RAB44: variants seen among roughly 807,000 people sequenced by gnomAD.
RAB44 encodes the protein RAB44, member RAS oncogene family, also known as ras-related protein Rab-44.
Under a neutral mutation model 93.3 loss-of-function variants are expected in RAB44, and 67 were observed. The ratio of observed to expected loss-of-function variants is 0.72; its 90% CI spans 0.59 to 0.88. The LOEUF (loss-of-function observed/expected upper bound fraction) is 0.88, where lower values mean the gene tolerates loss of function less well. Ranked by LOEUF, RAB44 falls within the 40% of genes least tolerant of loss-of-function variation. The pLI is 0.00. For synonymous variants in RAB44, 427 were observed against 520.3 expected, an observed-to-expected ratio of 0.82 and a Z score of 2.44; for missense variants, 1,064 against 1,261.7, an observed-to-expected ratio of 0.84 and a Z score of 2.37.
chr6:36,719,815 A>T (rs236482), intron 7 of RAB44, among the ~76,000 whole-genome samples: 1 of 152,002 alleles, frequency 6.6e-6, no homozygotes, highest in Non-Finnish European at 1.5e-5. Flanking sequence ...GGAAGTTCAC[A>T]GAACAGTAAG....
In RAB44 at chr6:36,732,098, C is replaced by T; in HGVS notation, c.*5C>T. On this transcript the variant is annotated 3_prime_UTR_variant, in exon 14 of 14. Coordinates refer to ENST00000612677, the MANE Select transcript of RAB44 (RefSeq NM_001257357.2). ...AGATTCGGCTGTTGCTCCTGATCAC[C>T]TGTCCTGTCCTGGGTAGGATGGACA... is the stretch of plus-strand genomic sequence containing the variant. 8.1e-7 allele frequency: 1 copy of T among 1,234,060 alleles called. No individual in the cohort carries two copies. The highest frequency in any genetic ancestry group is 1.0e-6 in the Non-Finnish European group (1 of 987,872). 76.4% of individuals were successfully genotyped at this position (1,234,060 alleles called of 1,614,324 possible). A position where few individuals can be genotyped will look rare whatever the true frequency, so the allele number is the denominator to read the frequency against.
At chr6:36,713,508 T>C (rs1430973403) in intron 2 of RAB44, among the ~76,000 whole-genome samples, 4 of 152,208 alleles carry the variant, frequency 2.6e-5, no homozygotes, top group Non-Finnish European at 5.9e-5. Flanking sequence ...AGGTAATTTT[T>C]GGACACTGAT....
chr6:36,726,307 G>A (rs549590105), intron 10 of RAB44, among the ~76,000 whole-genome samples: 37 of 152,294 alleles, frequency 2.4e-4, no homozygotes, highest in Non-Finnish European at 3.5e-4. Flanking sequence ...GTACAGTGGC[G>A]TGATCTGGGC....
intron 7 of RAB44, 43 bp from the exon 8 acceptor site, chr6:36,720,320 G>A (rs1763040156): frequency 1.6e-6 from 2 of 1,231,164 alleles, no homozygotes; most frequent in East Asian, 3.2e-5. Flanking sequence ...TTGCGCCCTG[G>A]AGGGCATCTG....
At chr6:36,705,086 A>C (rs1000098835) in intron 2 of RAB44, among the ~76,000 whole-genome samples, 3 of 142,030 alleles carry the variant, frequency 2.1e-5, no homozygotes, top group Non-Finnish European at 3.0e-5. Flanking sequence ...ACACCACTAC[A>C]CTCCAGCCTG....
intron 1 of RAB44, among the ~76,000 whole-genome samples, chr6:36,703,200 C>A (rs887878432): frequency 6.6e-6 from 1 of 152,218 alleles, no homozygotes; most frequent in Non-Finnish European, 1.5e-5. Flanking sequence ...CATCTTTTAA[C>A]AAGGAACTCA....
rs538897370 is a variant in RAB44, at chr6:36,702,424, G to T, written c.-12-1800G>T. Among the ~76,000 whole-genome samples, 214 of 151,936 alleles carry T rather than the reference G, an allele frequency of 1.4e-3. 1 individual carries two copies. The highest frequency in any genetic ancestry group is 4.9e-3 in the African/African-American group (203 of 41,386). ...TGTGCAACCTGTGCCGTTCCCCTTGGGAAGCTTGCCCAAGGGGAGGCCGTG... is the reference window on the plus strand; with the variant it reads ...TGTGCAACCTGTGCCGTTCCCCTTGTGAAGCTTGCCCAAGGGGAGGCCGTG... On this transcript the variant is annotated intron_variant, in intron 1 of 13. Transcript: ENST00000612677.
intron 1 of RAB44, among the ~76,000 whole-genome samples, chr6:36,701,060 C>T (rs372817014): frequency 2.6e-5 from 4 of 152,264 alleles, no homozygotes; most frequent in South Asian, 2.1e-4. Flanking sequence ...TATTCTAACC[C>T]GTAGAATCTT....
intron 9 of RAB44, 43 bp from the exon 10 acceptor site, chr6:36,725,819 G>T: frequency 7.0e-7 from 1 of 1,432,784 alleles, no homozygotes; most frequent in South Asian, 1.2e-5. Flanking sequence ...TAGGAGTCCT[G>T]GATGGTAACT....
At chr6:36,701,532 G>C (rs1300563674) in intron 1 of RAB44, among the ~76,000 whole-genome samples, 1 of 152,066 alleles carries the variant, frequency 6.6e-6, no homozygotes, top group African/African-American at 2.4e-5. Context: ...GCACTATGAG[G>C]GCATCAGGGT....
chr6:36,715,698 A>G, intron 4 of RAB44, 45 bp downstream of exon 4: 3 of 1,524,792 alleles, frequency 2.0e-6, no homozygotes, highest in Non-Finnish European at 2.6e-6. Context: ...TCTGCCAGCC[A>G]TTGACGGCAG....
At chr6:36,699,244 C>T (rs1762455818) in intron 1 of RAB44, among the ~76,000 whole-genome samples, 1 of 152,038 alleles carries the variant, frequency 6.6e-6, no homozygotes, top group Admixed American at 6.5e-5. Context: ...TTAAAAAATG[C>T]CAGGGGACTG....
At chr6:36,720,955 G>A (rs1306270489) in intron 8 of RAB44, among the ~76,000 whole-genome samples, 196 bp from the exon 9 acceptor site, 1 of 152,196 alleles carries the variant, frequency 6.6e-6, no homozygotes, top group Non-Finnish European at 1.5e-5. Context: ...GGCTTCATGT[G>A]GGTCTTGAGG....
intron 10 of RAB44, 146 bp downstream of exon 10, chr6:36,726,089 C>A: frequency 1.5e-6 from 1 of 661,292 alleles, no homozygotes. Flanking sequence ...GAGTCAAGCC[C>A]AAGGCAGGGG....
In RAB44 at chr6:36,704,320, G is replaced by A; in HGVS notation, c.85G>A (p.Glu29Lys). 2.6e-6 allele frequency: 4 copies of A among 1,536,174 alleles called. No individual in the cohort carries two copies. Among genetic ancestry groups the A allele is most frequent in the Non-Finnish European group, 3.5e-6 (4 of 1,146,920 alleles). The change falls in exon 2 of 14, where the codon GAA becomes AAA. Residue 29 changes from glutamate to lysine, a missense_variant. By Grantham distance (56) the Glu-to-Lys change is moderately conservative. Transcript: ENST00000612677. ...GCAGACAAGAGAGCCAGCTGATGGTGAAGGCGCTGCAGTGGCCCCAGAGCC... is the reference window on the plus strand; with the variant it reads ...GCAGACAAGAGAGCCAGCTGATGGTAAAGGCGCTGCAGTGGCCCCAGAGCC... The part of the protein sequence containing the change: ...RRQTREPADG[E>K]GAAVAPEPES...
intron 2 of RAB44, among the ~76,000 whole-genome samples, chr6:36,706,881 C>CTGT (rs1762663251): frequency 6.6e-6 from 1 of 152,146 alleles, no homozygotes; most frequent in South Asian, 2.1e-4. Flanking sequence ...CCTGCGCCAC[C>CTGT]ATGCCCAGCT....
chr6:36,725,729 G>A (rs1266087657), intron 9 of RAB44, 133 bp from the exon 10 acceptor site: 9 of 665,638 alleles, frequency 1.4e-5, no homozygotes, highest in Non-Finnish European at 2.0e-5. Context: ...ATGCAGAGCC[G>A]AGGGGAAGCC....
chr6:36,724,526 A>G (rs1763184434), intron 9 of RAB44, among the ~76,000 whole-genome samples: 1 of 152,158 alleles, frequency 6.6e-6, no homozygotes. Flanking sequence ...CATCTTCCAT[A>G]CATGTCTTAT....
intron 2 of RAB44, among the ~76,000 whole-genome samples, chr6:36,706,517 G>C (rs1762653868): frequency 6.6e-6 from 1 of 152,096 alleles, no homozygotes; most frequent in African/African-American, 2.4e-5. Context: ...TTCCTGGTAG[G>C]GTTTTGTAGG....
Sources: allele counts gnomAD v4.1 joint callset (sites outside exome capture counted in the v4.1 genomes callset), GRCh38; gene constraint gnomAD v4.1.1; transcripts MANE v1.5; gene names NCBI Gene and HGNC (gene_info 2026-07-23, HGNC 2026-07-21).